SLC4A1: variants seen among roughly 807,000 people sequenced by gnomAD.
The protein encoded by SLC4A1 is band 3 anion transport protein.
SLC4A1 carries 29 observed loss-of-function variants against 93.1 expected under a neutral mutation model. The ratio of observed to expected loss-of-function variants is 0.31; its 90% confidence interval spans 0.23 to 0.42. The LOEUF (loss-of-function observed/expected upper bound fraction) is 0.42. Among genes scored for constraint, SLC4A1 ranks in the 20% least tolerant of loss-of-function variants. SLC4A1 has a pLI of 1.00. For missense variants in SLC4A1, 965 were observed against 1,190.1 expected (o/e 0.81, Z 2.78); for synonymous variants, 469 against 497.2 (o/e 0.94, Z 0.76).
chr17:44,266,103 G>A (rs970386641), intron 1 of SLC4A1, among the ~76,000 whole-genome samples: 33 of 152,142 alleles, frequency 2.2e-4, no homozygotes, highest in African/African-American at 7.7e-4. Context: ...GAATGGGAGA[G>A]ACCCCTGCCT....
chr17:44,266,404 T>G (rs2047496336), intron 1 of SLC4A1, among the ~76,000 whole-genome samples: 1 of 152,214 alleles, frequency 6.6e-6, no homozygotes, highest in African/African-American at 2.4e-5. Context: ...GCTGGGACTG[T>G]GGCCTTGGTT....
rs1296269523 is a variant in SLC4A1, at chr17:44,259,892, C to T, written c.526G>A (p.Ala176Thr). The T allele has an allele frequency of 1.3e-5, 21 of 1,613,926 alleles. No homozygotes were observed. The East Asian group carries it at 1.6e-4, about 12-fold the overall frequency. ...GGATCCCCAGAGCGTGTCAGGACTG[C>T]AGGCTTCACACCCCCCAGGGCCTCC... is the stretch of plus-strand genomic sequence containing the variant. Reference protein sequence around the residue: ...ELEALGGVKPAVLTRSGDPSQ... With the variant: ...ELEALGGVKPTVLTRSGDPSQ... Residue 176 changes from alanine (A) to threonine (T), a missense_variant, in exon 7 of 20, where the codon GCA becomes ACA. By Grantham distance (58) the Ala-to-Thr change is moderately conservative (BLOSUM62 0). This residue lies in a region of SLC4A1 where 770 missense variants were observed against 1,006.6 expected (regional missense o/e 0.76). Coordinates refer to ENST00000262418, the MANE Select transcript of SLC4A1 (RefSeq NM_000342.4).
At chr17:44,255,419 C>T (rs575766531) in intron 14 of SLC4A1, 123 bp from the exon 15 acceptor site, 3 of 781,546 alleles carry the variant, frequency 3.8e-6, no homozygotes, top group East Asian at 2.7e-5. Flanking sequence ...ATCTAATGCC[C>T]TGTCCTGCAC....
Position 44,262,861 on chromosome 17 carries a change from C to T in SLC4A1, c.6G>A (p.Glu2=). 6.2e-7 allele frequency: 1 copy of T among 1,614,214 alleles called. No homozygotes were observed. The highest frequency in any genetic ancestry group is 8.5e-7 in the Non-Finnish European group (1 of 1,180,030). The change falls in exon 2 of 20, where the codon GAG becomes GAA. Residue 2 remains glutamate, a synonymous_variant. Transcript: ENST00000262418. ...GCCAGGGAACACCCACCTGCAGCTC[C>T]TCCATGGCGTGGTCCTGAGTGTCCA... M[E]ELQDDYEDMM... is the part of the protein sequence containing the mutation.
chr17:44,265,979 CAAAAA>C (rs753916308), intron 1 of SLC4A1, among the ~76,000 whole-genome samples: 1 of 85,040 alleles, frequency 1.2e-5, no homozygotes, highest in African/African-American at 4.1e-5. Context: ...GACTCCGTCT[CAAAAA>C]AAAAAAAAAA....
intron 16 of SLC4A1, among the ~76,000 whole-genome samples, chr17:44,254,275 C>T (rs941014202): frequency 7.9e-5 from 12 of 152,086 alleles, no homozygotes; most frequent in Non-Finnish European, 1.5e-4. Flanking sequence ...CGCGCCCGGC[C>T]ACGTTTTTTT....
At position 44,258,043 on chromosome 17, in the gene SLC4A1, C is replaced by T. The variant is rs201821517; in HGVS notation, c.1225G>A (p.Val409Ile). The change falls in exon 11 of 20, where the codon GTC becomes ATC. Residue 409 changes from valine (V) to isoleucine (I), a missense_variant. Physicochemically the swap from Val to Ile is conservative, Grantham distance 29. This residue lies in a region of SLC4A1 where 770 missense variants were observed against 1,006.6 expected (regional missense o/e 0.76). Coordinates refer to ENST00000262418, the MANE Select transcript of SLC4A1 (RefSeq NM_000342.4). This position sits in a 1 kb window ranked among gnomAD's most constrained non-coding sequence, Gnocchi z 6.1. ...AGTGCAGCAAAGTAGATGAAGATGA[C>T]GGCAGCCAGGACCTGGGGGCTGAAT... ...DAFSPQVLAA[V>I]IFIYFAALSP... 18 of 1,614,000 alleles carry T rather than the reference C, an allele frequency of 1.1e-5. No individual in the cohort carries two copies. In the South Asian group the frequency reaches 1.2e-4, roughly 11 times the overall value.
At chr17:44,251,360 T>C in intron 18 of SLC4A1, 28 bp from the exon 19 acceptor site, 2 of 1,614,118 alleles carry the variant, frequency 1.2e-6, no homozygotes, top group Non-Finnish European at 1.7e-6. Context: ...GGTCAGTGCC[T>C]ATCACACCCC....
intron 1 of SLC4A1, among the ~76,000 whole-genome samples, chr17:44,267,095 A>G (rs2047501803): frequency 6.6e-6 from 1 of 152,200 alleles, no homozygotes; most frequent in South Asian, 2.1e-4. Context: ...TCAGCCACCC[A>G]GCAGGTAGGT....
chr17:44,251,460 T>C lies in SLC4A1; in HGVS notation c.2440A>G (p.Lys814Glu), dbSNP rs879062267. The part of the protein sequence containing the change: ...QLFDRILLLF[K>E]PPKYHPDVPY... ...ACATCTGGGTGATACTTGGGTGGCT[T>C]GAACAGAAGCAAGATGCGGTCAAAG... The change falls in exon 18 of 20, where the codon AAG becomes GAG. Residue 814 changes from lysine to glutamate, a missense_variant. Around this residue, in one of 2 missense-constraint regions of SLC4A1, gnomAD observed 770 missense variants for 1,006.6 expected, o/e 0.76. Transcript: ENST00000262418. 1 of 1,614,148 alleles carries C rather than the reference T, an allele frequency of 6.2e-7. No homozygotes were observed. Among genetic ancestry groups the C allele is most frequent in the African/African-American group, 1.3e-5 (1 of 75,036 alleles).
rs940154880 is a variant in SLC4A1, at chr17:44,259,110, C to T, written c.876+53G>A. 3 of 1,586,062 alleles carry T rather than the reference C, an allele frequency of 1.9e-6. No homozygotes were observed. In the African/African-American group the frequency reaches 4.0e-5, roughly 21 times the overall value. On this transcript the variant is annotated intron_variant, in intron 9 of 19. Transcript: ENST00000262418. ...GCCAGGTTGGAGAGCAGGCCTCAGC[C>T]ACCATGCAGGTCCCAAGCTTCCCCA...
chr17:44,262,487 G>C, intron 3 of SLC4A1, 149 bp downstream of exon 3: 1 of 658,706 alleles, frequency 1.5e-6, no homozygotes, highest in Non-Finnish European at 2.7e-6. Context: ...ACAAAGCTCT[G>C]TTTATCCTTC....
At chr17:44,257,928 T>G in intron 11 of SLC4A1, 58 bp downstream of exon 11, 1 of 1,609,872 alleles carries the variant, frequency 6.2e-7, no homozygotes. Context: ...AAGTTGGGGC[T>G]GAGACAGAGG....
intron 3 of SLC4A1, 121 bp downstream of exon 3, chr17:44,262,515 G>T: frequency 1.4e-6 from 1 of 722,964 alleles, no homozygotes; most frequent in Non-Finnish European, 2.4e-6. Flanking sequence ...CAGAATTGAG[G>T]GGAGAACGGC....
At position 44,255,689 on chromosome 17, in the gene SLC4A1, G is replaced by A. The variant is rs1200242920; in HGVS notation, c.1784C>T (p.Ser595Phe). 1 of 1,613,956 alleles carries A rather than the reference G, an allele frequency of 6.2e-7. No individual in the cohort carries two copies. The highest frequency in any genetic ancestry group is 8.5e-7 in the Non-Finnish European group (1 of 1,180,024). ...TATGCTGACCTTGCCAGGGAAATAG[G>A]AGCTGTTCTTGAACTTGCGCAGCAT... ...AMMLRKFKNS[S>F]YFPGKLRRVI... is the part of the protein sequence containing the mutation. Residue 595 changes from serine to phenylalanine, a missense_variant, in exon 14 of 20, where the codon TCC becomes TTC. Transcript: ENST00000262418.
chr17:44,256,994 T>C (rs2144611060), intron 13 of SLC4A1, among the ~76,000 whole-genome samples: 1 of 131,712 alleles, frequency 7.6e-6, no homozygotes, highest in Non-Finnish European at 1.7e-5. Flanking sequence ...TGGCTCAGTC[T>C]TTTTTTTTTT....
At chr17:44,264,218 G>C (rs1409192746) in intron 1 of SLC4A1, among the ~76,000 whole-genome samples, 3 of 152,120 alleles carry the variant, frequency 2.0e-5, no homozygotes, top group African/African-American at 7.2e-5. Context: ...CTAACATTTT[G>C]GGAGGCTGAG....
Position 44,258,755 on chromosome 17 carries a change from G to A in SLC4A1, c.877-132C>T. On this transcript the variant is annotated intron_variant, in intron 9 of 19. Coordinates refer to ENST00000262418, the MANE Select transcript of SLC4A1 (RefSeq NM_000342.4). The surrounding 1 kb of genome is among the most constrained non-coding windows in gnomAD (Gnocchi z 6.1). ...CCCATTGCCAGGAACTGCTTTTCCT[G>A]CCCGCTCCCACCCCTACTCTCCCCA... 1.2e-6 allele frequency: 1 copy of A among 853,606 alleles called. No homozygotes were observed. Among genetic ancestry groups the A allele is most frequent in the Middle Eastern group, 3.4e-4 (1 of 2,942 alleles). The allele number at this position is 853,606 out of a possible 1,614,324, so 52.9% of individuals were successfully genotyped here. A position where few individuals can be genotyped will look rare whatever the true frequency, so the allele number is the denominator to read the frequency against.
chr17:44,249,419 A>C lies in SLC4A1; in HGVS notation c.*1039T>G, dbSNP rs1598294200. 1 of 280,746 alleles carries C rather than the reference A, an allele frequency of 3.6e-6. No individual in the cohort carries two copies. Among genetic ancestry groups the C allele is most frequent in the South Asian group, 2.9e-5 (1 of 34,938 alleles). The allele number at this position is 280,746 out of a possible 1,614,324, so 17.4% of individuals were successfully genotyped here. A position where few individuals can be genotyped will look rare whatever the true frequency, so the allele number is the denominator to read the frequency against. ...GCCAAACTATGTTGAAAACTCTTAG[A>C]AAATACGCAATTAATAAATTACAAA... On this transcript the variant is annotated 3_prime_UTR_variant, in exon 20 of 20. Coordinates refer to ENST00000262418, the MANE Select transcript of SLC4A1 (RefSeq NM_000342.4).
Sources: gnomAD v4.1 joint callset for allele counts (sites outside exome capture counted in the v4.1 genomes callset) on GRCh38, gnomAD v4.1.1 for gene constraint, gnomAD v4.1.1 regional missense constraint, Gnocchi (gnomAD v3.1) non-coding constraint, MANE v1.5 for transcripts, NCBI Gene and HGNC (gene_info 2026-07-23, HGNC 2026-07-21) for gene names.